The following BCAR3 variants were observed in gnomAD, a reference collection of about 807,000 sequenced individuals.
The protein encoded by BCAR3 is breast cancer anti-estrogen resistance protein 3.
BCAR3 carries 37 observed loss-of-function variants against 80.1 expected under a neutral mutation model. The observed-to-expected ratio is 0.46, with a 90% CI of 0.36 to 0.61. The LOEUF (loss-of-function observed/expected upper bound fraction) is 0.61, where lower values mean the gene tolerates loss of function less well. BCAR3 is among the 20% of genes least tolerant of loss of function. The pLI is 0.00. For synonymous variants in BCAR3, 389 were observed against 418.9 expected (o/e 0.93, Z 0.87); for missense variants, 978 against 1,068.2 (o/e 0.92, Z 1.18).
chr1:93,662,695 T>C (rs1014511940), intron 2 of BCAR3, among the ~76,000 whole-genome samples: 3 of 152,162 alleles, frequency 2.0e-5, no homozygotes, highest in Non-Finnish European at 4.4e-5. Flanking sequence ...CTCAACATTC[T>C]TCTAAGCTTC....
At chr1:93,729,944 T>A (rs1045978738) in intron 2 of BCAR3, among the ~76,000 whole-genome samples, 6 of 152,266 alleles carry the variant, frequency 3.9e-5, no homozygotes, top group Non-Finnish European at 5.9e-5. Flanking sequence ...CATGTTTATA[T>A]ATAAATTTAG....
chr1:93,706,992 T>C (rs529164464), intron 2 of BCAR3, among the ~76,000 whole-genome samples: 35 of 152,114 alleles, frequency 2.3e-4, no homozygotes, highest in African/African-American at 7.7e-4. Flanking sequence ...CTGGCCAACA[T>C]GGTGAAACCC....
rs922755054 is a variant in BCAR3, at chr1:93,605,929, G to A, written c.358-13536C>T. Among the ~76,000 whole-genome samples, 60 of 152,194 alleles carry A rather than the reference G, an allele frequency of 3.9e-4. 1 individual carries two copies. Among genetic ancestry groups the A allele is most frequent in the Admixed American group, 3.3e-3 (50 of 15,284 alleles). On this transcript the variant is annotated intron_variant, in intron 3 of 11. Coordinates refer to ENST00000260502, the MANE Select transcript of BCAR3 (RefSeq NM_003567.4). Reference sequence around the variant, plus strand: ...CCAAAGATTCAGACAGCCTTCCAGCGTGGGGTGTAGAACAAATGACTTTCA... The same window carrying A: ...CCAAAGATTCAGACAGCCTTCCAGCATGGGGTGTAGAACAAATGACTTTCA...
At chr1:93,623,093 T>C (rs236312) in intron 3 of BCAR3, among the ~76,000 whole-genome samples, 38,829 of 151,974 alleles carry the variant, frequency 0.26, 6,174 homozygotes, top group African/African-American at 0.46. Context: ...TCTGTAACAG[T>C]AGCAAATCTG....
intron 2 of BCAR3, among the ~76,000 whole-genome samples, chr1:93,745,931 G>A (rs1441863214): frequency 1.3e-5 from 2 of 152,160 alleles, no homozygotes; most frequent in Admixed American, 6.5e-5. Context: ...TGTTTCTGGG[G>A]GAGTGTGATA....
intron 3 of BCAR3, among the ~76,000 whole-genome samples, chr1:93,702,220 G>A (rs1241447849): frequency 6.6e-6 from 1 of 152,072 alleles, no homozygotes. Flanking sequence ...CCATGAATAC[G>A]CCCTGTACCC....
rs1213538719 is a variant in BCAR3 at position 93,612,071 on chromosome 1, C to G, written c.358-19678G>C. On this transcript the variant is annotated intron_variant, in intron 3 of 11. Coordinates refer to ENST00000260502, the MANE Select transcript of BCAR3 (RefSeq NM_003567.4). ...ATTAAAGTGGGAGTCAATAAAGCGA[C>G]TCGGCATTATCAACTGGGGCACCAC... Among the ~76,000 whole-genome samples, 7 of 152,280 alleles carry G rather than the reference C, an allele frequency of 4.6e-5. No individual in the cohort carries two copies. The East Asian group carries it at 1.4e-3, about 29-fold the overall frequency.
chr1:93,771,629 T>C (rs1047342562), intron 2 of BCAR3, among the ~76,000 whole-genome samples: 3 of 152,206 alleles, frequency 2.0e-5, no homozygotes, highest in Non-Finnish European at 4.4e-5. Flanking sequence ...TCTGTTTAGT[T>C]TTCTAAATTG....
chr1:93,843,303 A>C (rs1655029740), intron 2 of BCAR3, among the ~76,000 whole-genome samples: 1 of 152,200 alleles, frequency 6.6e-6, no homozygotes, highest in Admixed American at 6.5e-5. Flanking sequence ...CAACAAATTT[A>C]GCTGATGCTG....
chr1:93,613,186 T>C (rs1675006159), intron 3 of BCAR3, among the ~76,000 whole-genome samples: 1 of 152,194 alleles, frequency 6.6e-6, no homozygotes, highest in Admixed American at 6.5e-5. Context: ...CACGAAAGCC[T>C]ATATTAATCT....
chr1:93,660,428 CA>C (rs1462117850), intron 2 of BCAR3, among the ~76,000 whole-genome samples: 1 of 152,174 alleles, frequency 6.6e-6, no homozygotes, highest in Non-Finnish European at 1.5e-5. Context: ...GAAACTTAAT[CA>C]GGGAGATAAC....
rs535955505 is a variant in BCAR3, at chr1:93,679,658, G to A, written c.-12+1940C>T. Among the ~76,000 whole-genome samples, 23 of 152,298 alleles carry A rather than the reference G, an allele frequency of 1.5e-4. 1 individual carries two copies. The South Asian group carries it at 4.6e-3, about 30-fold the overall frequency. ...AATCTGAGACTCATGTGAACATCAG[G>A]AACAAGAGCGAGGCTGACAAACTTT... On this transcript the variant is annotated intron_variant, in intron 1 of 11. Coordinates refer to ENST00000260502, the MANE Select transcript of BCAR3 (RefSeq NM_003567.4).
chr1:93,573,739 C>T (rs1187401616), intron 8 of BCAR3, among the ~76,000 whole-genome samples: 2 of 151,780 alleles, frequency 1.3e-5, no homozygotes, highest in African/African-American at 2.4e-5. Flanking sequence ...AAGGATCCTC[C>T]TGCCTCAGCC....
chr1:93,749,763 A>C (rs1364140930), intron 2 of BCAR3, among the ~76,000 whole-genome samples: 1 of 152,102 alleles, frequency 6.6e-6, no homozygotes, highest in African/African-American at 2.4e-5. Flanking sequence ...CCACTCACCA[A>C]ATCAGGAACA....
intron 2 of BCAR3, among the ~76,000 whole-genome samples, chr1:93,725,578 G>A (rs1650551485): frequency 6.6e-6 from 1 of 152,090 alleles, no homozygotes; most frequent in East Asian, 1.9e-4. Flanking sequence ...TCAGTTTGGG[G>A]TTTGTTTTTT....
chr1:93,735,678 A>C (rs1283485781), intron 2 of BCAR3, among the ~76,000 whole-genome samples: 1 of 152,212 alleles, frequency 6.6e-6, no homozygotes, highest in Non-Finnish European at 1.5e-5. Flanking sequence ...AAATCTTTAC[A>C]GGCCCATGAA....
intron 2 of BCAR3, among the ~76,000 whole-genome samples, chr1:93,833,586 T>G (rs1654655272): frequency 6.6e-6 from 1 of 152,206 alleles, no homozygotes; most frequent in Non-Finnish European, 1.5e-5. Context: ...ATGCATTCTT[T>G]TCCCAGGGCT....
chr1:93,673,491 A>G (rs1168563517), intron 2 of BCAR3, among the ~76,000 whole-genome samples: 1 of 152,254 alleles, frequency 6.6e-6, no homozygotes, highest in East Asian at 1.9e-4. Context: ...CAAATAAATG[A>G]GCTAGGATCC....
At chr1:93,843,540 G>A (rs1272705498) in intron 2 of BCAR3, among the ~76,000 whole-genome samples, 2 of 152,074 alleles carry the variant, frequency 1.3e-5, no homozygotes, top group African/African-American at 2.4e-5. Flanking sequence ...TGAATGACAG[G>A]GTCCTGACTC....
Sources: gnomAD v4.1 joint callset for allele counts (sites outside exome capture counted in the v4.1 genomes callset) on GRCh38, gnomAD v4.1.1 for gene constraint, MANE v1.5 for transcripts, NCBI Gene and HGNC (gene_info 2026-07-23, HGNC 2026-07-21) for gene names.